The following SOS1 variants were observed in gnomAD, a reference collection of about 807,000 sequenced individuals.
SOS1 encodes the protein son of sevenless homolog 1.
Under a neutral mutation model 157.6 loss-of-function variants are expected in SOS1, and 25 were observed. That is an observed-to-expected ratio of 0.16 (90% confidence interval 0.12 to 0.22). The LOEUF is 0.22. Among genes scored for constraint, SOS1 ranks in the 10% least tolerant of loss-of-function variants. The pLI, the probability that SOS1 is intolerant of heterozygous loss-of-function variation, is 1.00. For missense variants in SOS1, 1,237 were observed against 1,599.1 expected (o/e 0.77, Z 3.86); for synonymous variants, 528 against 534.0 (o/e 0.99, Z 0.16).
chr2:39,067,673 T>C lies in SOS1; in HGVS notation c.168A>G (p.Leu56=). ...GGGGCTGAGCTTGGCATAGCATATT[T>C]AATAATTGCAAAATTAATTCTTCAA... The part of the protein sequence containing the change: ...QYVEELILQL[L]NMLCQAQPRS... Residue 56 remains leucine (L), a synonymous_variant, in exon 2 of 23, where the codon TTA becomes TTG. Coordinates refer to ENST00000402219, the MANE Select transcript of SOS1 (RefSeq NM_005633.4). 1 of 1,613,174 alleles carries C rather than the reference T, an allele frequency of 6.2e-7. No individual in the cohort carries two copies. Among genetic ancestry groups the C allele is most frequent in the Non-Finnish European group, 8.5e-7 (1 of 1,179,126 alleles).
chr2:39,099,461 A>T lies in SOS1; in HGVS notation c.87+20875T>A, dbSNP rs1672889012. ...GCTGGAGGTTTGGAGGATGATGGCTAAAGGGTATGGAGTTCTTTCTGAGGT... is the reference window on the plus strand; with the variant it reads ...GCTGGAGGTTTGGAGGATGATGGCTTAAGGGTATGGAGTTCTTTCTGAGGT... On this transcript the variant is annotated intron_variant, in intron 1 of 22. Coordinates refer to ENST00000402219, the MANE Select transcript of SOS1 (RefSeq NM_005633.4). Among the ~76,000 whole-genome samples, 6 of 152,324 alleles carry T rather than the reference A, an allele frequency of 3.9e-5. 1 individual carries two copies. The South Asian group carries it at 1.2e-3, about 32-fold the overall frequency.
intron 1 of SOS1, among the ~76,000 whole-genome samples, chr2:39,109,796 C>CA (rs1673344309): frequency 6.6e-6 from 1 of 152,172 alleles, no homozygotes; most frequent in Non-Finnish European, 1.5e-5. Flanking sequence ...GCCTAGGATA[C>CA]TGGCACATAG....
At chr2:39,080,993 C>T (rs533823792) in intron 1 of SOS1, among the ~76,000 whole-genome samples, 6 of 151,740 alleles carry the variant, frequency 4.0e-5, no homozygotes, top group African/African-American at 1.4e-4. Context: ...CAAGACCTGC[C>T]TGGGCAACAA....
chr2:39,105,888 A>G (rs757643022), intron 1 of SOS1, among the ~76,000 whole-genome samples: 2 of 151,988 alleles, frequency 1.3e-5, no homozygotes, highest in African/African-American at 2.4e-5. Context: ...CGACAGGGTG[A>G]GACTCTGTCT....
At chr2:38,987,309 G>C (rs1668586172) in intron 22 of SOS1, among the ~76,000 whole-genome samples, 164 bp downstream of exon 22, 1 of 152,136 alleles carries the variant, frequency 6.6e-6, no homozygotes, top group Admixed American at 6.5e-5. Context: ...TCAGAAGAAA[G>C]AAACATTACT....
intron 8 of SOS1, among the ~76,000 whole-genome samples, chr2:39,026,456 G>A (rs1259507643): frequency 6.6e-6 from 1 of 151,956 alleles, no homozygotes; most frequent in Admixed American, 6.6e-5. Flanking sequence ...CTTTAAAAGT[G>A]TACATATTAA....
At chr2:39,052,017 A>G (rs1358552050) in intron 5 of SOS1, among the ~76,000 whole-genome samples, 1 of 152,188 alleles carries the variant, frequency 6.6e-6, no homozygotes, top group East Asian at 1.9e-4. Context: ...AAGAAAACCT[A>G]TGATTTTTTT....
intron 17 of SOS1, among the ~76,000 whole-genome samples, chr2:38,998,876 A>G (rs556685903): frequency 1.3e-5 from 2 of 152,302 alleles, no homozygotes; most frequent in Admixed American, 1.3e-4. Context: ...GTCCTGCATT[A>G]GGTACTGCAG....
chr2:39,009,684 A>G (rs1431482147), intron 15 of SOS1, among the ~76,000 whole-genome samples: 2 of 152,206 alleles, frequency 1.3e-5, no homozygotes, highest in Non-Finnish European at 2.9e-5. Context: ...AACTGTTAAC[A>G]ATGTATTGTT....
At chr2:39,083,150 G>GC (rs1672265901) in intron 1 of SOS1, among the ~76,000 whole-genome samples, 1 of 152,008 alleles carries the variant, frequency 6.6e-6, no homozygotes, top group African/African-American at 2.4e-5. Context: ...TTTCCCCTTG[G>GC]CCCCTCTACT....
chr2:39,088,362 T>C (rs892050641), intron 1 of SOS1, among the ~76,000 whole-genome samples: 20 of 150,830 alleles, frequency 1.3e-4, no homozygotes, highest in African/African-American at 7.3e-5. Flanking sequence ...AAATTTACCA[T>C]TTAACCATTT....
At chr2:39,044,561 C>G (rs115469018) in intron 6 of SOS1, among the ~76,000 whole-genome samples, 163 of 152,246 alleles carry the variant, frequency 1.1e-3, no homozygotes, top group African/African-American at 3.7e-3. Context: ...CTCAAGGCAA[C>G]AGTATTAAGA....
chr2:39,070,167 AC>A (rs1480593547), intron 1 of SOS1, among the ~76,000 whole-genome samples: 1 of 152,178 alleles, frequency 6.6e-6, no homozygotes, highest in Non-Finnish European at 1.5e-5. Context: ...TTTAAAAAAA[AC>A]AAAACTGGAA....
intron 1 of SOS1, among the ~76,000 whole-genome samples, chr2:39,110,114 C>G (rs980615664): frequency 7.3e-5 from 11 of 149,752 alleles, no homozygotes; most frequent in Non-Finnish European, 1.5e-4. Flanking sequence ...CCCTCGGTAT[C>G]CATGGGGGAT....
chr2:39,113,465 A>C (rs979973463), intron 1 of SOS1, among the ~76,000 whole-genome samples: 1 of 151,826 alleles, frequency 6.6e-6, no homozygotes, highest in African/African-American at 2.4e-5. Context: ...CAATAGCATG[A>C]GCCACCATGC....
At chr2:38,987,326 T>A in intron 22 of SOS1, 147 bp downstream of exon 22, 1 of 657,556 alleles carries the variant, frequency 1.5e-6, no homozygotes, top group East Asian at 2.7e-5. Flanking sequence ...TACTGCATGC[T>A]AAATCTATAT....
intron 8 of SOS1, 90 bp downstream of exon 8, chr2:39,035,122 G>C (rs1189625818): frequency 1.3e-6 from 1 of 791,260 alleles, no homozygotes. Context: ...CTAATGTGCA[G>C]GGTACTCACA....
intron 2 of SOS1, among the ~76,000 whole-genome samples, chr2:39,064,742 A>ATTTTTTTTTT (rs4015841): frequency 4.0e-4 from 30 of 74,830 alleles, no homozygotes; most frequent in African/African-American, 5.0e-4. Context: ...TTTAAAATAC[A>ATTTTTTTTTT]TTTTTTTTTT....
chr2:39,086,115 G>A (rs1332355115), intron 1 of SOS1, among the ~76,000 whole-genome samples: 1 of 152,096 alleles, frequency 6.6e-6, no homozygotes, highest in African/African-American at 2.4e-5. Context: ...CATTATTGAT[G>A]TTCTTGTTAA....
Sources: gnomAD v4.1 joint callset for allele counts (sites outside exome capture counted in the v4.1 genomes callset) on GRCh38, gnomAD v4.1.1 for gene constraint, MANE v1.5 for transcripts, NCBI Gene and HGNC (gene_info 2026-07-23, HGNC 2026-07-21) for gene names.